DMD: variants seen among roughly 807,000 people sequenced by gnomAD.
DMD encodes the protein dystrophin.
DMD carries 63 observed loss-of-function variants against 330.1 expected under a neutral mutation model. The observed-to-expected ratio is 0.19, with a 90% CI of 0.16 to 0.24. The LOEUF (loss-of-function observed/expected upper bound fraction) is 0.24. DMD is among the 10% of genes least tolerant of loss of function. The pLI is 1.00. For synonymous variants in DMD, 1,223 were observed against 959.8 expected (o/e 1.27, Z -5.07); for missense variants, 3,344 against 2,684.1 (o/e 1.25, Z -5.43).
chrX:32,679,901 A>AGTTTT, intron 9 of DMD, among the ~76,000 whole-genome samples: 1 of 30,950 alleles, frequency 3.2e-5, no homozygotes. Context: ...TAATATTTGT[A>AGTTTT]CTTTTTTTTT....
At chrX:32,757,353 A>C (rs775235887) in intron 7 of DMD, among the ~76,000 whole-genome samples, 56 of 111,768 alleles carry the variant, frequency 5.0e-4, no homozygotes, top group Non-Finnish European at 7.0e-4. Flanking sequence ...GAAAATGTTG[A>C]GACATACACA....
intron 2 of DMD, among the ~76,000 whole-genome samples, chrX:33,005,621 T>TA (rs61048725): frequency 0.4 from 42,737 of 107,403 alleles, 6,606 homozygotes; most frequent in East Asian, 0.48. Flanking sequence ...CATGACAATA[T>TA]AAAAAAATGA....
intron 47 of DMD, among the ~76,000 whole-genome samples, chrX:31,914,197 T>C (rs1048533203): frequency 9.0e-6 from 1 of 111,716 alleles, no homozygotes; most frequent in Non-Finnish European, 1.9e-5. Context: ...AGGTCTTGCA[T>C]AGGTGGTCGT....
intron 11 of DMD, among the ~76,000 whole-genome samples, chrX:32,634,445 A>G (rs1602362609): frequency 8.9e-6 from 1 of 112,079 alleles, no homozygotes; most frequent in Non-Finnish European, 1.9e-5. Context: ...GTACTGGGTC[A>G]CACCTGAAAC....
intron 3 of DMD, among the ~76,000 whole-genome samples, chrX:32,847,406 G>T (rs2080779533): frequency 8.9e-6 from 1 of 111,884 alleles, no homozygotes; most frequent in Admixed American, 9.5e-5. Flanking sequence ...TTTTAACCCT[G>T]GGGATGTCCT....
At chrX:33,309,973 A>G (rs16990978) in intron 1 of DMD, among the ~76,000 whole-genome samples, 7,110 of 110,865 alleles carry the variant, frequency 0.064, 574 homozygotes, top group African/African-American at 0.22. Flanking sequence ...TCCATGTCTG[A>G]AAATCAAATG....
chrX:32,695,612 T>A (rs183008248), intron 9 of DMD, among the ~76,000 whole-genome samples: 39 of 111,209 alleles, frequency 3.5e-4, no homozygotes, highest in Admixed American at 1.3e-3. Flanking sequence ...TTTGAGATAT[T>A]AGTGGATATC....
At chrX:31,880,247 C>A (rs1001649329) in intron 47 of DMD, among the ~76,000 whole-genome samples, 1 of 111,436 alleles carries the variant, frequency 9.0e-6, no homozygotes, top group African/African-American at 3.3e-5. Context: ...CGTGGGGAAG[C>A]CTTTTAGAAG....
At chrX:31,370,747 T>C (rs2733455) in intron 60 of DMD, among the ~76,000 whole-genome samples, 30,430 of 111,649 alleles carry the variant, frequency 0.27, 3,434 homozygotes, top group East Asian at 0.6. Context: ...TTGGTAGCTT[T>C]ATTCACAATA....
chrX:33,287,176 C>T (rs111700939), intron 1 of DMD, among the ~76,000 whole-genome samples: 6 of 111,767 alleles, frequency 5.4e-5, no homozygotes, highest in African/African-American at 1.9e-4. Context: ...CTACAACTTT[C>T]CTTTTTCACT....
chrX:32,436,295 ATTT>A (rs1216733207), intron 29 of DMD, among the ~76,000 whole-genome samples: 1 of 111,731 alleles, frequency 9.0e-6, no homozygotes, highest in African/African-American at 3.3e-5. Context: ...GTTAATACTT[ATTT>A]GTGTTAAACC....
intron 44 of DMD, among the ~76,000 whole-genome samples, chrX:32,050,432 T>A (rs1314779872): frequency 8.9e-6 from 1 of 111,914 alleles, no homozygotes; most frequent in African/African-American, 3.2e-5. Flanking sequence ...AAAATTTAAC[T>A]GCTGTGTACA....
chrX:32,879,021 A>AAAAAAAAAAAAAAAAAAC (rs1352069437), intron 2 of DMD, among the ~76,000 whole-genome samples: 7 of 101,788 alleles, frequency 6.9e-5, no homozygotes, highest in Admixed American at 2.1e-4. Context: ...AAAAAAACAA[A>AAAAAAAAAAAAAAAAAAC]AAACAAAAAA....
intron 2 of DMD, among the ~76,000 whole-genome samples, chrX:32,854,824 C>T (rs1228336801): frequency 5.4e-5 from 6 of 111,654 alleles, no homozygotes; most frequent in Non-Finnish European, 1.1e-4. Context: ...TACTTCTGAA[C>T]TCATTCTGTG....
intron 2 of DMD, among the ~76,000 whole-genome samples, chrX:32,862,800 G>A (rs887878450): frequency 9.0e-6 from 1 of 111,097 alleles, no homozygotes; most frequent in African/African-American, 3.3e-5. Flanking sequence ...GTAGTGGCGT[G>A]ATCTTGGCTC....
chrX:32,710,569 G>A (rs1416631333), intron 7 of DMD, among the ~76,000 whole-genome samples: 2 of 110,833 alleles, frequency 1.8e-5, no homozygotes, highest in African/African-American at 6.5e-5. Flanking sequence ...CAAGACACAG[G>A]AAAACTAATG....
intron 55 of DMD, among the ~76,000 whole-genome samples, chrX:31,627,309 A>G (rs141831161): frequency 0.037 from 4,175 of 112,874 alleles, 184 homozygotes; most frequent in African/African-American, 0.12. Context: ...GACAATTCAT[A>G]CAGATGCTTT....
intron 7 of DMD, among the ~76,000 whole-genome samples, chrX:32,711,688 A>G (rs190317097): frequency 8.9e-6 from 1 of 112,062 alleles, no homozygotes; most frequent in East Asian, 2.8e-4. Flanking sequence ...AGTACCCCAT[A>G]TCTCTACAGC....
chrX:31,911,659 C>T lies in DMD; in HGVS notation c.6912+17937G>A, dbSNP rs757416716. On this transcript the variant is annotated intron_variant, in intron 47 of 78. Coordinates refer to ENST00000357033, the MANE Select transcript of DMD (RefSeq NM_004006.3). ...CAGAGGCAACTCGCAATGTCAAAAA[C>T]ACATTTGGCCAAGTTACTGCTAACA... 3.6e-5 allele frequency among the ~76,000 whole-genome samples: 4 copies of T among 111,740 alleles called. No homozygotes were observed. The South Asian group carries it at 1.1e-3, about 31-fold the overall frequency.
Sources: allele counts gnomAD v4.1 joint callset (sites outside exome capture counted in the v4.1 genomes callset), GRCh38; gene constraint gnomAD v4.1.1; transcripts MANE v1.5; gene names NCBI Gene and HGNC (gene_info 2026-07-23, HGNC 2026-07-21).